Variants in PLXNA4 observed in about 807,000 individuals in gnomAD.
PLXNA4 encodes the protein plexin-A4.
Under a neutral mutation model 191.8 loss-of-function variants are expected in PLXNA4, and 44 were observed. The observed-to-expected ratio is 0.23, with a 90% CI of 0.18 to 0.29. PLXNA4 has a LOEUF of 0.29. Ranked by LOEUF, PLXNA4 falls within the 10% of genes least tolerant of loss-of-function variation. PLXNA4 has a pLI of 1.00. For synonymous variants in PLXNA4, 1,082 were observed against 1,009.5 expected (o/e 1.07, Z -1.36); for missense variants, 1,800 against 2,488.8 (o/e 0.72, Z 5.89).
intron 3 of PLXNA4, among the ~76,000 whole-genome samples, chr7:132,354,762 G>T (rs1563053385): frequency 6.6e-6 from 1 of 152,204 alleles, no homozygotes; most frequent in Non-Finnish European, 1.5e-5. Flanking sequence ...ATGTGGCAAA[G>T]GCAGAGAAAT....
intron 4 of PLXNA4, among the ~76,000 whole-genome samples, chr7:132,255,609 G>A (rs1490914815): frequency 6.6e-6 from 1 of 152,166 alleles, no homozygotes; most frequent in Non-Finnish European, 1.5e-5. Context: ...TGCTGGAAAA[G>A]GAGTCAGAAC....
intron 3 of PLXNA4, among the ~76,000 whole-genome samples, chr7:132,344,267 C>T (rs1436813823): frequency 2.0e-5 from 3 of 152,102 alleles, no homozygotes; most frequent in South Asian, 2.1e-4. Context: ...GGGTGGCAGT[C>T]GCCTGCCACT....
chr7:132,193,323 A>G (rs1348591229), intron 14 of PLXNA4, among the ~76,000 whole-genome samples: 2 of 152,240 alleles, frequency 1.3e-5, no homozygotes, highest in Non-Finnish European at 2.9e-5. Context: ...GCAAGAAGGC[A>G]CTTGCCAGAT....
chr7:132,631,717 G>A (rs185811524), intron 2 of PLXNA4, among the ~76,000 whole-genome samples: 1 of 152,074 alleles, frequency 6.6e-6, no homozygotes, highest in Non-Finnish European at 1.5e-5. Flanking sequence ...GGTCTCATCT[G>A]CTCCTCACCC....
At chr7:132,393,767 C>T (rs1474200195) in intron 3 of PLXNA4, among the ~76,000 whole-genome samples, 1 of 152,098 alleles carries the variant, frequency 6.6e-6, no homozygotes, top group African/African-American at 2.4e-5. Context: ...AGAAACTGGA[C>T]ATTTAGAGGC....
At chr7:132,344,990 A>C (rs1330175486) in intron 3 of PLXNA4, among the ~76,000 whole-genome samples, 2 of 152,190 alleles carry the variant, frequency 1.3e-5, no homozygotes, top group African/African-American at 4.8e-5. Flanking sequence ...AAAGTGGTAA[A>C]TAATACATAT....
chr7:132,586,389 G>A (rs1475566940), intron 2 of PLXNA4, among the ~76,000 whole-genome samples: 1 of 152,202 alleles, frequency 6.6e-6, no homozygotes, highest in Non-Finnish European at 1.5e-5. Flanking sequence ...GCATTTTGGT[G>A]TTGTCTTGAG....
chr7:132,471,056 GT>G (rs1165938594), intron 3 of PLXNA4, among the ~76,000 whole-genome samples: 1 of 152,170 alleles, frequency 6.6e-6, no homozygotes, highest in African/African-American at 2.4e-5. Flanking sequence ...CTCATTAATG[GT>G]TTAGTACCAT....
At chr7:132,203,202 G>A in intron 11 of PLXNA4, 121 bp downstream of exon 11, 1 of 854,266 alleles carries the variant, frequency 1.2e-6, no homozygotes, top group Non-Finnish European at 1.9e-6. Context: ...GGCTCAGAGG[G>A]AGAGGGACAG....
intron 1 of PLXNA4, among the ~76,000 whole-genome samples, chr7:132,514,755 C>G (rs1360035981): frequency 4.6e-5 from 7 of 152,026 alleles, no homozygotes. Flanking sequence ...CTTGGTGCCT[C>G]CAAAATTGTG....
At chr7:132,328,467 G>A (rs771566783) in intron 3 of PLXNA4, among the ~76,000 whole-genome samples, 2 of 152,044 alleles carry the variant, frequency 1.3e-5, no homozygotes, top group Non-Finnish European at 2.9e-5. Flanking sequence ...TAATAGGAGC[G>A]GGGGGGCCTC....
At position 132,228,481 on chromosome 7, in the gene PLXNA4, A is replaced by G. The variant is rs1443234620; in HGVS notation, c.1605-12T>C. 6.2e-7 allele frequency: 1 copy of G among 1,613,996 alleles called. No individual in the cohort carries two copies. Among genetic ancestry groups the G allele is most frequent in the South Asian group, 1.1e-5 (1 of 91,068 alleles). The stretch of plus-strand genomic sequence containing the variant: ...CCTTCCGGGTGCAACTGGGAAGGAC[A>G]TACCCTCGAGTTACTCAGGAGATGG... On this transcript the variant is annotated splice_polypyrimidine_tract_variant and intron_variant, in intron 5 of 31. Coordinates refer to ENST00000321063, the MANE Select transcript of PLXNA4 (RefSeq NM_020911.2).
Position 132,398,358 on chromosome 7 carries a change from C to T in PLXNA4, c.1371+90934G>A, listed in dbSNP as rs542655957. ...TGCCAGGAAGACCCTGCTGAGTGTC[C>T]CGCTCTCCTGAATAGCCCATGTCCT... On this transcript the variant is annotated intron_variant, in intron 3 of 31. Transcript: ENST00000321063. Among the ~76,000 whole-genome samples, 217 of 152,350 alleles carry T rather than the reference C, an allele frequency of 1.4e-3. 6 individuals are homozygous for T. The South Asian group carries it at 0.041, about 29-fold the overall frequency.
intron 2 of PLXNA4, among the ~76,000 whole-genome samples, chr7:132,615,709 C>T (rs1052124029): frequency 1.3e-5 from 2 of 152,154 alleles, no homozygotes; most frequent in African/African-American, 4.8e-5. Flanking sequence ...AGCTGGGAGA[C>T]CCCATTTGAG....
chr7:132,334,683 G>A (rs1802746320), intron 3 of PLXNA4, among the ~76,000 whole-genome samples: 1 of 152,188 alleles, frequency 6.6e-6, no homozygotes, highest in Non-Finnish European at 1.5e-5. Context: ...GAACTTCATG[G>A]GTTAAACAAC....
intron 12 of PLXNA4, 66 bp downstream of exon 12, chr7:132,202,580 C>T (rs1227952776): frequency 8.0e-6 from 11 of 1,369,324 alleles, no homozygotes; most frequent in Non-Finnish European, 1.0e-5. Context: ...GGCAGAGTTT[C>T]CACAGGGTGT....
In PLXNA4 at chr7:132,202,833, T is replaced by C. The variant is rs1340685916; in HGVS notation, c.2399A>G (p.His800Arg). ...NIDNPAQNKVHLYKCGAMRES... is the reference protein window; with the variant it reads ...NIDNPAQNKVRLYKCGAMRES... Reference sequence around the variant, plus strand: ...ACGCATGGCTCCACACTTGTAGAGGTGAACTGCAGAGGGGAAGGGCAAGGA... The same window carrying C: ...ACGCATGGCTCCACACTTGTAGAGGCGAACTGCAGAGGGGAAGGGCAAGGA... The change falls in exon 12 of 32, where the codon CAC (histidine) becomes CGC (arginine). Residue 800 changes from histidine to arginine, a missense_variant. His to Arg is a conservative substitution (Grantham distance 29, BLOSUM62 0). Coordinates refer to ENST00000321063, the MANE Select transcript of PLXNA4 (RefSeq NM_020911.2). The C allele has an allele frequency of 6.4e-7, 1 of 1,572,952 alleles. No individual in the cohort carries two copies. Among genetic ancestry groups the C allele is most frequent in the Admixed American group, 1.8e-5 (1 of 55,698 alleles).
intron 2 of PLXNA4, among the ~76,000 whole-genome samples, chr7:132,606,094 G>A (rs1206907061): frequency 6.6e-6 from 1 of 152,180 alleles, no homozygotes; most frequent in Non-Finnish European, 1.5e-5. Context: ...AACCTGGGAG[G>A]CGGAGGTTGC....
chr7:132,146,486 G>A (rs553493775), intron 28 of PLXNA4, 24 bp downstream of exon 28: 1 of 1,614,096 alleles, frequency 6.2e-7, no homozygotes, highest in African/African-American at 1.3e-5. Flanking sequence ...TGGGCTCCCT[G>A]CACCCAGTTC....
Sources: allele counts gnomAD v4.1 joint callset (sites outside exome capture counted in the v4.1 genomes callset), GRCh38; gene constraint gnomAD v4.1.1; transcripts MANE v1.5; gene names NCBI Gene and HGNC (gene_info 2026-07-23, HGNC 2026-07-21).